DOCK4: variants seen among roughly 807,000 people sequenced by gnomAD.
The protein encoded by DOCK4 is dedicator of cytokinesis protein 4.
A neutral mutation model predicts 268.1 loss-of-function variants in DOCK4; 97 were observed. The observed-to-expected ratio is 0.36, with a 90% CI of 0.31 to 0.43. The LOEUF is 0.43. DOCK4 is among the 20% of genes least tolerant of loss of function. DOCK4 has a pLI of 1.00. For missense variants in DOCK4, 2,145 were observed against 2,455.7 expected (o/e 0.87, Z 2.67); for synonymous variants, 954 against 887.2 (o/e 1.08, Z -1.34).
chr7:111,794,576 G>A (rs1397330108), intron 30 of DOCK4, among the ~76,000 whole-genome samples: 1 of 152,178 alleles, frequency 6.6e-6, no homozygotes, highest in African/African-American at 2.4e-5. Flanking sequence ...GCTTTCAGAA[G>A]CAAAGAGGGG....
intron 1 of DOCK4, among the ~76,000 whole-genome samples, chr7:112,196,338 G>C (rs944633629): frequency 6.6e-6 from 1 of 152,004 alleles, no homozygotes; most frequent in African/African-American, 2.4e-5. Flanking sequence ...CTCCTTCTCT[G>C]TCACCAATAC....
chr7:111,939,092 T>C (rs1794990218), intron 11 of DOCK4, among the ~76,000 whole-genome samples: 1 of 151,812 alleles, frequency 6.6e-6, no homozygotes, highest in Admixed American at 6.6e-5. Flanking sequence ...GATCCCCCAG[T>C]GACTGCCAGC....
chr7:111,975,638 AC>A (rs1461307323), intron 8 of DOCK4, among the ~76,000 whole-genome samples: 1 of 152,016 alleles, frequency 6.6e-6, no homozygotes, highest in Non-Finnish European at 1.5e-5. Flanking sequence ...TTATTTCCAC[AC>A]CTCATAAATT....
chr7:112,014,031 G>A (rs1033819492), intron 1 of DOCK4, among the ~76,000 whole-genome samples: 1 of 152,228 alleles, frequency 6.6e-6, no homozygotes, highest in South Asian at 2.1e-4. Flanking sequence ...ACCAAGGTGT[G>A]CAGTTGACTT....
chr7:112,113,089 GA>G (rs1811813721), intron 1 of DOCK4, among the ~76,000 whole-genome samples: 1 of 152,138 alleles, frequency 6.6e-6, no homozygotes, highest in Non-Finnish European at 1.5e-5. Flanking sequence ...TGCAAATAAA[GA>G]ACAACAACAA....
chr7:111,739,423 T>C lies in DOCK4; in HGVS notation c.5095A>G (p.Thr1699Ala). 1 of 1,584,072 alleles carries C rather than the reference T, an allele frequency of 6.3e-7. No homozygotes were observed. The highest frequency in any genetic ancestry group is 8.6e-7 in the Non-Finnish European group (1 of 1,165,172). ...SSTHSASPNV[T>A]SSAPSSARAS... ...CTGGCACTCGATGGAGCAGAACTTG[T>C]CACATTAGGTGAAGCCGAGTGAGTA... The change falls in exon 48 of 53, where the codon ACA becomes GCA. Residue 1699 changes from threonine to alanine, a missense_variant. Thr to Ala is a moderately conservative substitution (Grantham distance 58). Coordinates refer to ENST00000428084, the MANE Select transcript of DOCK4 (RefSeq NM_001363540.2).
In DOCK4 at chr7:112,156,778, A is replaced by T. The variant is rs999290201; in HGVS notation, c.37+49324T>A. ...ACCACACACACACAAATTATTCACTATATATTCAAGGTAGTTTTATTTACA... is the reference window on the plus strand; with the variant it reads ...ACCACACACACACAAATTATTCACTTTATATTCAAGGTAGTTTTATTTACA... On this transcript the variant is annotated intron_variant, in intron 1 of 52. Transcript: ENST00000428084. 2.0e-5 allele frequency among the ~76,000 whole-genome samples: 3 copies of T among 152,178 alleles called. No individual in the cohort carries two copies. The South Asian group carries it at 6.2e-4, about 32-fold the overall frequency.
At chr7:111,940,372 G>T (rs547378644) in intron 10 of DOCK4, 130 bp from the exon 11 acceptor site, 1 of 1,194,878 alleles carries the variant, frequency 8.4e-7, no homozygotes, top group South Asian at 1.4e-5. Context: ...CAGGTTGGGC[G>T]TAACAGAAGA....
At chr7:112,107,082 T>C (rs1393702968) in intron 1 of DOCK4, among the ~76,000 whole-genome samples, 1 of 152,236 alleles carries the variant, frequency 6.6e-6, no homozygotes, top group East Asian at 1.9e-4. Context: ...AGACTATTTA[T>C]TATGTATGGG....
At chr7:111,907,595 G>T (rs1791699125) in intron 13 of DOCK4, among the ~76,000 whole-genome samples, 1 of 152,120 alleles carries the variant, frequency 6.6e-6, no homozygotes, top group Non-Finnish European at 1.5e-5. Context: ...AGTCACTGTG[G>T]CATTCATTGG....
chr7:111,919,112 A>C lies in DOCK4; in HGVS notation c.1067-3208T>G, dbSNP rs1233969830. Among the ~76,000 whole-genome samples the C allele has an allele frequency of 2.1e-5, 3 of 140,922 alleles. No homozygotes were observed. The Admixed American group carries it at 2.2e-4, about 10-fold the overall frequency. 92.5% of individuals were successfully genotyped at this position (140,922 alleles called of 152,430 possible). A position where few individuals can be genotyped will look rare whatever the true frequency, so the allele number is the denominator to read the frequency against. ...TTTAACCAGCAGCGACTTTAAAAAAAACAAAAACAAAACAAAAAACAAAAA... is the reference window on the plus strand; with the variant it reads ...TTTAACCAGCAGCGACTTTAAAAAACACAAAAACAAAACAAAAAACAAAAA... On this transcript the variant is annotated intron_variant, in intron 12 of 52. Coordinates refer to ENST00000428084, the MANE Select transcript of DOCK4 (RefSeq NM_001363540.2).
intron 13 of DOCK4, among the ~76,000 whole-genome samples, chr7:111,913,631 G>A (rs1051024970): frequency 4.0e-5 from 6 of 150,600 alleles, no homozygotes; most frequent in South Asian, 2.1e-4. Context: ...GGATGGTCTC[G>A]ATCTTCTGAC....
chr7:111,907,116 C>T (rs549501948), intron 13 of DOCK4, among the ~76,000 whole-genome samples: 20 of 151,692 alleles, frequency 1.3e-4, no homozygotes, highest in East Asian at 3.9e-4. Flanking sequence ...GGCAAATGTA[C>T]GGATAGGCTG....
chr7:111,883,505 AAAC>A (rs1425053941), intron 16 of DOCK4, among the ~76,000 whole-genome samples: 51 of 152,180 alleles, frequency 3.4e-4, no homozygotes, highest in African/African-American at 8.7e-4. Flanking sequence ...CTGCCCCTGT[AAAC>A]ATATCTCTTA....
chr7:111,983,652 A>G (rs772476823), intron 7 of DOCK4, among the ~76,000 whole-genome samples: 34 of 151,894 alleles, frequency 2.2e-4, no homozygotes, highest in Non-Finnish European at 4.9e-4. Context: ...ATGTAACTAG[A>G]AAAAAAACTC....
intron 30 of DOCK4, among the ~76,000 whole-genome samples, chr7:111,792,103 A>C (rs1799589798): frequency 6.6e-6 from 1 of 152,234 alleles, no homozygotes; most frequent in African/African-American, 2.4e-5. Context: ...TAAGTCTATT[A>C]TGCTGGTGAG....
intron 8 of DOCK4, among the ~76,000 whole-genome samples, chr7:111,962,555 C>T (rs1586508943): frequency 6.6e-6 from 1 of 152,114 alleles, no homozygotes; most frequent in African/African-American, 2.4e-5. Flanking sequence ...CCGTGCGGTA[C>T]ACAAGACACA....
At chr7:112,201,929 C>T (rs995769871) in intron 1 of DOCK4, among the ~76,000 whole-genome samples, 3 of 152,310 alleles carry the variant, frequency 2.0e-5, no homozygotes, top group African/African-American at 7.2e-5. Flanking sequence ...CACATGTAAG[C>T]AAGATCATGC....
chr7:112,014,715 A>C, intron 1 of DOCK4, among the ~76,000 whole-genome samples: 1 of 152,240 alleles, frequency 6.6e-6, no homozygotes, highest in South Asian at 2.1e-4. Context: ...TTTAACTTTT[A>C]ATTTTGAATT....
Sources: gnomAD v4.1 joint callset for allele counts (sites outside exome capture counted in the v4.1 genomes callset) on GRCh38, gnomAD v4.1.1 for gene constraint, MANE v1.5 for transcripts, NCBI Gene and HGNC (gene_info 2026-07-23, HGNC 2026-07-21) for gene names.